TXNL1: variants seen among roughly 807,000 people sequenced by gnomAD.
TXNL1 encodes the protein thioredoxin like 1, also known as thioredoxin-like protein 1.
A neutral mutation model predicts 35.5 loss-of-function variants in TXNL1; 14 were observed. The observed-to-expected ratio is 0.39, with a 90% confidence interval of 0.26 to 0.62. TXNL1 has a LOEUF of 0.62. Ranked by LOEUF, TXNL1 falls within the 20% of genes least tolerant of loss-of-function variation. TXNL1 has a pLI of 0.47. For missense variants in TXNL1, 263 were observed against 349.7 expected, an observed-to-expected ratio of 0.75 and a Z score of 1.98; for synonymous variants, 110 against 115.5, an observed-to-expected ratio of 0.95 and a Z score of 0.31.
At chr18:56,638,272 G>T in intron 1 of TXNL1, 71 bp downstream of exon 1, 1 of 1,470,418 alleles carries the variant, frequency 6.8e-7, no homozygotes, top group Non-Finnish European at 9.2e-7. Context: ...TAGGAAACCA[G>T]GGCCAACAAA....
chr18:56,616,153 AC>A, intron 5 of TXNL1, 91 bp downstream of exon 5: 4 of 1,177,270 alleles, frequency 3.4e-6, no homozygotes, highest in Admixed American at 2.6e-5. Flanking sequence ...AAAAGAAAAA[AC>A]AAGTACCTCT....
At chr18:56,625,014 C>T (rs2024253049) in intron 2 of TXNL1, among the ~76,000 whole-genome samples, 1 of 152,160 alleles carries the variant, frequency 6.6e-6, no homozygotes, top group African/African-American at 2.4e-5. Context: ...CCTAGCTCCA[C>T]AATTGTATAA....
rs188939823 is a variant in TXNL1, at chr18:56,631,602, C to T, written c.99-5145G>A. On this transcript the variant is annotated intron_variant, in intron 1 of 7. Coordinates refer to ENST00000217515, the MANE Select transcript of TXNL1 (RefSeq NM_004786.3). Reference sequence around the variant, plus strand: ...GTTTGAGAAAAAGAATACAGTAAACCGCTAGCTTTCTACAATGTATAAAGA... The same window carrying T: ...GTTTGAGAAAAAGAATACAGTAAACTGCTAGCTTTCTACAATGTATAAAGA... Among the ~76,000 whole-genome samples, 84 of 152,064 alleles carry T rather than the reference C, an allele frequency of 5.5e-4. No individual in the cohort carries two copies. In the East Asian group the frequency reaches 0.014, roughly 25 times the overall value.
chr18:56,620,730 T>C (rs1187401214), intron 3 of TXNL1, among the ~76,000 whole-genome samples: 1 of 152,218 alleles, frequency 6.6e-6, no homozygotes, highest in Admixed American at 6.5e-5. Context: ...TTTCATTATG[T>C]TTTTTAAAGA....
chr18:56,611,153 A>G, intron 6 of TXNL1, 56 bp from the exon 7 acceptor site: 1 of 1,130,950 alleles, frequency 8.8e-7, no homozygotes, highest in Non-Finnish European at 1.3e-6. Context: ...AACATGCTTT[A>G]AGTTTAATCA....
At chr18:56,626,773 A>G in intron 1 of TXNL1, among the ~76,000 whole-genome samples, 1 of 134,896 alleles carries the variant, frequency 7.4e-6, no homozygotes. Flanking sequence ...TGCTGGGATT[A>G]CAGGCGTGAG....
intron 7 of TXNL1, chr18:56,608,144 C>T (rs993920605): frequency 6.6e-6 from 1 of 152,114 alleles, no homozygotes; most frequent in Non-Finnish European, 1.5e-5. Flanking sequence ...ACTACAGGGA[C>T]AAAAGATACC....
At chr18:56,617,342 T>C (rs2024104994) in intron 4 of TXNL1, among the ~76,000 whole-genome samples, 1 of 152,144 alleles carries the variant, frequency 6.6e-6, no homozygotes, top group Non-Finnish European at 1.5e-5. Context: ...TAAAAACAGA[T>C]CAAGTCAGCC....
chr18:56,605,037 A>G (rs544990204), intron 7 of TXNL1: 7 of 152,176 alleles, frequency 4.6e-5, no homozygotes, highest in Admixed American at 1.3e-4. Context: ...GAAAGTAAAA[A>G]AAAAAAAAGG....
At chr18:56,610,956 T>C in intron 7 of TXNL1, 37 bp downstream of exon 7, 1 of 1,323,188 alleles carries the variant, frequency 7.6e-7, no homozygotes, top group Non-Finnish European at 1.0e-6. Flanking sequence ...TAAAATTATA[T>C]TTTTACTATC....
chr18:56,626,797 C>CTTGTTTTTTTTTTTTTTT (rs2024289634), intron 1 of TXNL1, among the ~76,000 whole-genome samples: 1 of 55,000 alleles, frequency 1.8e-5, no homozygotes, highest in African/African-American at 6.8e-5. Flanking sequence ...CCAAGCCGGT[C>CTTGTTTTTTTTTTTTTTT]TTTTTTTTTT....
At chr18:56,627,864 A>C (rs866028819) in intron 1 of TXNL1, among the ~76,000 whole-genome samples, 7 of 152,278 alleles carry the variant, frequency 4.6e-5, no homozygotes, top group Middle Eastern at 3.4e-3. Context: ...TACTAAAAAA[A>C]AAAAAAGGTT....
rs1219735828 is a variant in TXNL1, at chr18:56,598,527, T to C, written c.*4500A>G. The stretch of plus-strand genomic sequence containing the variant: ...TACCTGGTAATACAGCACAGCACAC[T>C]GGAGAAATGAGGGGCATGGGGAGGC... On this transcript the variant is annotated 3_prime_UTR_variant, in exon 8 of 8. Coordinates refer to ENST00000217515, the MANE Select transcript of TXNL1 (RefSeq NM_004786.3). 6.6e-6 allele frequency: 1 copy of C among 152,224 alleles called. No individual in the cohort carries two copies. Among genetic ancestry groups the C allele is most frequent in the Non-Finnish European group, 1.5e-5 (1 of 68,212 alleles). 9.4% of individuals were successfully genotyped at this position (152,224 alleles called of 1,614,324 possible).
rs1339839614 is a variant in TXNL1, at chr18:56,597,848, C to A, written c.*5179G>T. 1.3e-5 allele frequency: 2 copies of A among 152,240 alleles called. No homozygotes were observed. The highest frequency in any genetic ancestry group is 2.9e-5 in the Non-Finnish European group (2 of 68,042). The allele number at this position is 152,240 out of a possible 1,614,324, so 9.4% of individuals were successfully genotyped here. The stretch of plus-strand genomic sequence containing the variant: ...AAGGCAATGTACCCAAAACCATATT[C>A]ATCTTCCCCTCTGAACGTTCTGCTT... On this transcript the variant is annotated 3_prime_UTR_variant, in exon 8 of 8. Coordinates refer to ENST00000217515, the MANE Select transcript of TXNL1 (RefSeq NM_004786.3).
rs888236822 is a variant in TXNL1 at position 56,626,655 on chromosome 18, C to A, written c.99-198G>T. ...GGTACTCCAGGCGCCCACCACCACG[C>A]CCAGCTAATTTTTGTATTTTTAGTA... On this transcript the variant is annotated intron_variant, in intron 1 of 7. Coordinates refer to ENST00000217515, the MANE Select transcript of TXNL1 (RefSeq NM_004786.3). Among the ~76,000 whole-genome samples the A allele has an allele frequency of 7.3e-5, 11 of 151,644 alleles. No homozygotes were observed. In the South Asian group the frequency reaches 8.3e-4, roughly 11 times the overall value.
At chr18:56,626,190 C>A in intron 2 of TXNL1, 171 bp downstream of exon 2, 1 of 1,349,658 alleles carries the variant, frequency 7.4e-7, no homozygotes. Flanking sequence ...TGCTACTCTT[C>A]TTAACTAATG....
At position 56,612,015 on chromosome 18, in the gene TXNL1, A is replaced by ATTTTTTTTTT. The variant is rs1217872694; in HGVS notation, c.736-919_736-918insAAAAAAAAAA. 2.8e-5 allele frequency among the ~76,000 whole-genome samples: 3 copies of ATTTTTTTTTT among 105,478 alleles called. 1 individual carries two copies. Among genetic ancestry groups the ATTTTTTTTTT allele is most frequent in the Non-Finnish European group, 3.7e-5 (2 of 54,194 alleles). The allele number at this position is 105,478 out of a possible 152,430, so 69.2% of individuals were successfully genotyped here. ...AGGCACATGCTGCCACGCCCGGCTA[A>ATTTTTTTTTT]TCTTTTTTTTTTTTTTTTTTTTTTT... On this transcript the variant is annotated intron_variant, in intron 6 of 7. Transcript: ENST00000217515.
intron 3 of TXNL1, among the ~76,000 whole-genome samples, chr18:56,619,963 GTTATTA>G (rs549715712): frequency 2.0e-5 from 3 of 151,718 alleles, no homozygotes; most frequent in African/African-American, 4.8e-5. Context: ...ACTCAATTTT[GTTATTA>G]TTATTATTAT....
At chr18:56,619,073 G>C (rs571363093) in intron 3 of TXNL1, among the ~76,000 whole-genome samples, 120 of 151,978 alleles carry the variant, frequency 7.9e-4, no homozygotes, top group African/African-American at 1.8e-3. Flanking sequence ...AATTAGCTGG[G>C]TGCAGTGGCA....
Sources: gnomAD v4.1 joint callset for allele counts (sites outside exome capture counted in the v4.1 genomes callset) on GRCh38, gnomAD v4.1.1 for gene constraint, MANE v1.5 for transcripts, NCBI Gene and HGNC (gene_info 2026-07-23, HGNC 2026-07-21) for gene names.